PCDH15: variants seen among roughly 807,000 people sequenced by gnomAD.
The protein encoded by PCDH15 is protocadherin related 15.
PCDH15 carries 129 observed loss-of-function variants against 178.5 expected under a neutral mutation model. The observed-to-expected ratio is 0.72, with a 90% confidence interval of 0.63 to 0.84. The LOEUF (loss-of-function observed/expected upper bound fraction) is 0.84. Among genes scored for constraint, PCDH15 ranks in the 40% least tolerant of loss-of-function variants. The pLI is 0.00. For synonymous variants in PCDH15, 800 were observed against 732.0 expected (o/e 1.09, Z -1.50); for missense variants, 2,230 against 2,099.9 (o/e 1.06, Z -1.21).
intron 18 of PCDH15, among the ~76,000 whole-genome samples, chr10:54,062,033 T>A (rs1475206861): frequency 6.6e-6 from 1 of 151,872 alleles, no homozygotes; most frequent in Non-Finnish European, 1.5e-5. Flanking sequence ...AAGATCAGCC[T>A]GGCCAACATG....
intron 1 of PCDH15, among the ~76,000 whole-genome samples, chr10:54,778,114 T>G (rs191268538): frequency 2.2e-4 from 34 of 152,322 alleles, no homozygotes; most frequent in African/African-American, 7.9e-4. Flanking sequence ...CAAGTTCCCT[T>G]TACCCAATTT....
At chr10:54,519,750 A>C (rs6481101) in intron 3 of PCDH15, among the ~76,000 whole-genome samples, 3 of 151,994 alleles carry the variant, frequency 2.0e-5, no homozygotes, top group Admixed American at 2.0e-4. Flanking sequence ...AGCCCGCATC[A>C]CCAAGTCAAT....
intron 2 of PCDH15, among the ~76,000 whole-genome samples, chr10:54,645,574 C>A (rs2094112808): frequency 6.6e-6 from 1 of 151,902 alleles, no homozygotes; most frequent in East Asian, 1.9e-4. Flanking sequence ...TAAAATGCAA[C>A]AGAGAAAATC....
chr10:54,115,916 G>T (rs183070094), intron 15 of PCDH15, among the ~76,000 whole-genome samples: 114 of 152,274 alleles, frequency 7.5e-4, no homozygotes, highest in Non-Finnish European at 1.2e-3. Flanking sequence ...TGAATTAGAA[G>T]TTATGAGCAT....
chr10:53,866,464 T>TATATAC (rs1304844885), intron 27 of PCDH15, among the ~76,000 whole-genome samples, 178 bp downstream of exon 27: 2 of 149,524 alleles, frequency 1.3e-5, no homozygotes, highest in Non-Finnish European at 3.0e-5. Context: ...TATATATATA[T>TATATAC]ATATGAACAA....
intron 1 of PCDH15, among the ~76,000 whole-genome samples, chr10:54,693,980 GT>G (rs1297344277): frequency 1.3e-5 from 2 of 152,066 alleles, no homozygotes; most frequent in East Asian, 3.9e-4. Context: ...CTAGGCCTAG[GT>G]TTGAGCACAG....
chr10:55,050,016 T>C (rs570187787), intron 2 of PCDH15, among the ~76,000 whole-genome samples: 1 of 152,156 alleles, frequency 6.6e-6, no homozygotes, highest in South Asian at 2.1e-4. Context: ...TCCAACATAG[T>C]TACAAATATG....
chr10:54,815,755 T>C (rs1040347825), intron 3 of PCDH15, among the ~76,000 whole-genome samples: 30 of 152,224 alleles, frequency 2.0e-4, no homozygotes, highest in African/African-American at 7.0e-4. Context: ...CTATATAGAT[T>C]GAGGTCTGCA....
chr10:55,271,569 T>G (rs1403598172), intron 1 of PCDH15, among the ~76,000 whole-genome samples: 2 of 152,080 alleles, frequency 1.3e-5, no homozygotes, highest in African/African-American at 4.8e-5. Context: ...GACCACACAA[T>G]TTATTGTTTG....
chr10:54,483,339 T>C (rs996725357), intron 3 of PCDH15, among the ~76,000 whole-genome samples: 6 of 151,816 alleles, frequency 4.0e-5, no homozygotes, highest in Non-Finnish European at 8.8e-5. Context: ...ACAAGTTATA[T>C]TGGTGTGGGA....
At chr10:55,584,069 A>C (rs992937331) in intron 2 of PCDH15, among the ~76,000 whole-genome samples, 11 of 152,056 alleles carry the variant, frequency 7.2e-5, no homozygotes, top group African/African-American at 2.7e-4. Flanking sequence ...TATTTTGTAG[A>C]TATGAGGTCT....
At chr10:54,546,535 A>AT (rs1203497328) in intron 2 of PCDH15, among the ~76,000 whole-genome samples, 2 of 152,150 alleles carry the variant, frequency 1.3e-5, no homozygotes, top group African/African-American at 4.8e-5. Flanking sequence ...AATGCATTGC[A>AT]TTTATTATAA....
intron 8 of PCDH15, among the ~76,000 whole-genome samples, chr10:54,281,014 C>T (rs2058672696): frequency 6.6e-6 from 1 of 151,688 alleles, no homozygotes; most frequent in Non-Finnish European, 1.5e-5. Flanking sequence ...TGTATATATA[C>T]ACAGAAATGT....
chr10:54,747,901 G>T (rs1945678234), intron 1 of PCDH15, among the ~76,000 whole-genome samples: 1 of 150,096 alleles, frequency 6.7e-6, no homozygotes, highest in Non-Finnish European at 1.5e-5. Context: ...CGCCTCCAGG[G>T]TTCACGCCAT....
chr10:55,488,054 G>C (rs556480538), intron 2 of PCDH15, among the ~76,000 whole-genome samples: 1 of 151,544 alleles, frequency 6.6e-6, no homozygotes, highest in Non-Finnish European at 1.5e-5. Flanking sequence ...TTTTATGGTG[G>C]CTAATATCAA....
rs532396231 is a variant in PCDH15, at chr10:54,364,730, C to G, written c.474+4390G>C. ...TAAATTAATATAATTTACTCTCACACAGTTTGGTCAGTCAGAAGTCAGAGA... is the reference window on the plus strand; with the variant it reads ...TAAATTAATATAATTTACTCTCACAGAGTTTGGTCAGTCAGAAGTCAGAGA... On this transcript the variant is annotated intron_variant, in intron 5 of 37. Transcript: ENST00000644397. 2.0e-5 allele frequency among the ~76,000 whole-genome samples: 3 copies of G among 152,180 alleles called. No individual in the cohort carries two copies. The East Asian group carries it at 5.8e-4, about 29-fold the overall frequency.
intron 2 of PCDH15, among the ~76,000 whole-genome samples, chr10:54,913,603 A>G (rs12354935): frequency 0.99 from 151,487 of 152,268 alleles, 75,360 homozygotes; most frequent in Non-Finnish European, 1. Flanking sequence ...AGAGGGCCAT[A>G]GTCCTAAAGA....
At chr10:54,837,856 T>C (rs1230537772) in intron 3 of PCDH15, among the ~76,000 whole-genome samples, 1 of 152,054 alleles carries the variant, frequency 6.6e-6, no homozygotes. Flanking sequence ...GGCTACCAAC[T>C]GTAGTCCTGG....
intron 2 of PCDH15, among the ~76,000 whole-genome samples, chr10:54,968,515 T>C (rs1838852611): frequency 6.6e-6 from 1 of 152,056 alleles, no homozygotes; most frequent in Non-Finnish European, 1.5e-5. Flanking sequence ...AGATGAGACA[T>C]CTGCTGTTGT....
Sources: gnomAD v4.1 joint callset for allele counts (sites outside exome capture counted in the v4.1 genomes callset) on GRCh38, gnomAD v4.1.1 for gene constraint, MANE v1.5 for transcripts, NCBI Gene and HGNC (gene_info 2026-07-23, HGNC 2026-07-21) for gene names.